The following CNTN4 variants were observed in gnomAD, a reference collection of about 807,000 sequenced individuals.
The protein encoded by CNTN4 is contactin 4.
CNTN4 carries 77 observed loss-of-function variants against 122.5 expected under a neutral mutation model. The observed-to-expected ratio is 0.63, with a 90% confidence interval of 0.52 to 0.76. CNTN4 has a LOEUF of 0.76. Ranked by LOEUF, CNTN4 falls within the 30% of genes least tolerant of loss-of-function variation. CNTN4 has a pLI of 0.00. For synonymous variants in CNTN4, 512 were observed against 447.0 expected, an observed-to-expected ratio of 1.15 and a Z score of -1.83; for missense variants, 1,256 against 1,259.1, an observed-to-expected ratio of 1.00 and a Z score of 0.04.
chr3:2,496,612 A>T (rs2076458700), intron 3 of CNTN4, among the ~76,000 whole-genome samples: 3 of 152,108 alleles, frequency 2.0e-5, no homozygotes, highest in Non-Finnish European at 2.9e-5. Context: ...GGAAAGCAGA[A>T]CAGAAGGCAC....
rs144994511 is a variant in CNTN4, at chr3:2,568,090, C to G, written c.-88-3326C>G. 5.3e-3 allele frequency among the ~76,000 whole-genome samples: 804 copies of G among 152,168 alleles called. 8 individuals are homozygous for G. The highest frequency in any genetic ancestry group is 0.014 in the Middle Eastern group (4 of 294). ...AAACACGATTACTTTTTTTGTTGAGCTGAATTAGTACTGTTTGGATACCAG... is the reference window on the plus strand; with the variant it reads ...AAACACGATTACTTTTTTTGTTGAGGTGAATTAGTACTGTTTGGATACCAG... On this transcript the variant is annotated intron_variant, in intron 3 of 24. Transcript: ENST00000418658.
chr3:2,514,271 C>CT lies in CNTN4; in HGVS notation c.-88-57143dup, dbSNP rs765279942. ...GCACACAAATCATACCCTAACCCTCCTTAACAGCTTAGGGCAGCCACTGTG... is the reference window on the plus strand; with the variant it reads ...GCACACAAATCATACCCTAACCCTCCTTTAACAGCTTAGGGCAGCCACTGTG... On this transcript the variant is annotated intron_variant, in intron 3 of 24. Coordinates refer to ENST00000418658, the MANE Select transcript of CNTN4 (RefSeq NM_175607.3). Among the ~76,000 whole-genome samples, 15 of 152,204 alleles carry CT rather than the reference C, an allele frequency of 9.9e-5. No homozygotes were observed. The East Asian group carries it at 1.6e-3, about 16-fold the overall frequency.
At chr3:2,275,826 A>C (rs2041483372) in intron 2 of CNTN4, among the ~76,000 whole-genome samples, 1 of 150,510 alleles carries the variant, frequency 6.6e-6, no homozygotes, top group Admixed American at 6.6e-5. Flanking sequence ...AAGCTGAGTC[A>C]GGAGAATCAC....
At chr3:2,159,618 T>C (rs1283432228) in intron 2 of CNTN4, among the ~76,000 whole-genome samples, 1 of 152,206 alleles carries the variant, frequency 6.6e-6, no homozygotes, top group African/African-American at 2.4e-5. Context: ...ATTTTGAGCA[T>C]TCCCCTTCAC....
rs1426621184 is a variant in CNTN4 at position 3,025,333 on chromosome 3, T to G, written c.1487-769T>G. Among the ~76,000 whole-genome samples the G allele has an allele frequency of 1.3e-5, 2 of 152,188 alleles. 1 individual carries two copies. Among genetic ancestry groups the G allele is most frequent in the Admixed American group, 1.3e-4 (2 of 15,276 alleles). ...TCATTACAGCATTATTTATTATTTC[T>G]AATTATAAATATTAGAAAAATGTCT... On this transcript the variant is annotated intron_variant, in intron 14 of 24. Transcript: ENST00000418658.
intron 14 of CNTN4, among the ~76,000 whole-genome samples, chr3:3,021,948 G>T (rs1428010784): frequency 2.0e-5 from 3 of 151,916 alleles, no homozygotes; most frequent in Non-Finnish European, 4.4e-5. Context: ...CATTAGCCAG[G>T]CACCAGTGGC....
intron 3 of CNTN4, among the ~76,000 whole-genome samples, chr3:2,501,866 G>A (rs181087335): frequency 7.1e-4 from 108 of 152,132 alleles, no homozygotes; most frequent in Middle Eastern, 3.4e-3. Context: ...AAGCAACCAC[G>A]CATTGTCCAC....
intron 4 of CNTN4, among the ~76,000 whole-genome samples, chr3:2,624,782 C>G (rs2082120691): frequency 6.6e-6 from 1 of 151,814 alleles, no homozygotes; most frequent in Non-Finnish European, 1.5e-5. Flanking sequence ...TAGGCGCATA[C>G]TACCACTCCC....
intron 3 of CNTN4, among the ~76,000 whole-genome samples, chr3:2,438,229 G>C (rs938133353): frequency 1.3e-5 from 2 of 152,108 alleles, no homozygotes; most frequent in Admixed American, 6.6e-5. Flanking sequence ...TTTTAAAACT[G>C]TGTTATTTGG....
At chr3:2,635,731 A>G (rs1028477342) in intron 4 of CNTN4, among the ~76,000 whole-genome samples, 17 of 152,138 alleles carry the variant, frequency 1.1e-4, no homozygotes, top group African/African-American at 4.1e-4. Context: ...GTCCCATAGC[A>G]CTGATGTTTA....
At chr3:2,926,009 G>C (rs553052568) in intron 13 of CNTN4, among the ~76,000 whole-genome samples, 1 of 152,174 alleles carries the variant, frequency 6.6e-6, no homozygotes. Flanking sequence ...CATGATCCCC[G>C]CTGAAGACTG....
chr3:2,742,031 G>A (rs6442751), intron 5 of CNTN4, among the ~76,000 whole-genome samples: 140,870 of 152,258 alleles, frequency 0.93, 65,253 homozygotes, highest in Non-Finnish European at 0.96. Context: ...GGGAGCTAAA[G>A]CATTCCTCTT....
chr3:2,560,782 G>A (rs2078918197), intron 3 of CNTN4, among the ~76,000 whole-genome samples: 1 of 152,106 alleles, frequency 6.6e-6, no homozygotes, highest in Admixed American at 6.6e-5. Context: ...ATCTCCATGA[G>A]GGAAGACCCT....
At chr3:2,865,710 C>G (rs1375882475) in intron 7 of CNTN4, among the ~76,000 whole-genome samples, 1 of 152,200 alleles carries the variant, frequency 6.6e-6, no homozygotes, top group Non-Finnish European at 1.5e-5. Flanking sequence ...ATGCCTGGAG[C>G]TGAAGCAGTT....
chr3:2,760,642 A>G (rs1017374023), intron 6 of CNTN4, among the ~76,000 whole-genome samples: 6 of 152,228 alleles, frequency 3.9e-5, no homozygotes, highest in African/African-American at 1.4e-4. Context: ...CCTTAAGATC[A>G]AAGAAATATG....
chr3:2,705,220 T>G (rs1011727979), intron 4 of CNTN4, among the ~76,000 whole-genome samples: 2 of 149,998 alleles, frequency 1.3e-5, no homozygotes, highest in Admixed American at 6.7e-5. Context: ...TACAAAAAAT[T>G]AGCTGGGCGT....
chr3:2,756,603 G>A (rs1177174901), intron 6 of CNTN4, among the ~76,000 whole-genome samples: 6 of 152,180 alleles, frequency 3.9e-5, no homozygotes, highest in East Asian at 1.9e-4. Context: ...TTGGAAAAAC[G>A]GTCTTTCCAG....
chr3:2,978,798 A>T (rs1456958033), intron 13 of CNTN4, among the ~76,000 whole-genome samples: 1 of 152,106 alleles, frequency 6.6e-6, no homozygotes, highest in Non-Finnish European at 1.5e-5. Context: ...TCCTGGAGCC[A>T]GGCCTCCTGT....
chr3:2,459,804 G>T (rs1394532506), intron 3 of CNTN4, among the ~76,000 whole-genome samples: 3 of 152,168 alleles, frequency 2.0e-5, no homozygotes, highest in Non-Finnish European at 4.4e-5. Context: ...AGGGCAACCA[G>T]TGATATAAGA....
Sources: gnomAD v4.1 joint callset for allele counts (sites outside exome capture counted in the v4.1 genomes callset) on GRCh38, gnomAD v4.1.1 for gene constraint, MANE v1.5 for transcripts, NCBI Gene and HGNC (gene_info 2026-07-23, HGNC 2026-07-21) for gene names.